Variants in TASOR2 observed in about 807,000 individuals in gnomAD.
TASOR2 encodes the protein transcription activation suppressor family member 2.
A neutral mutation model predicts 199.5 loss-of-function variants in TASOR2; 84 were observed. The observed-to-expected ratio is 0.42, with a 90% CI of 0.35 to 0.50. The LOEUF (loss-of-function observed/expected upper bound fraction) is 0.50, where lower values mean the gene tolerates loss of function less well. Among genes scored for constraint, TASOR2 ranks in the 20% least tolerant of loss-of-function variants. TASOR2 has a pLI of 0.02. For synonymous variants in TASOR2, 1,103 were observed against 1,046.6 expected, an observed-to-expected ratio of 1.05 and a Z score of -1.04; for missense variants, 2,796 against 2,835.9, an observed-to-expected ratio of 0.99 and a Z score of 0.32.
chr10:5,703,652 C>T (rs1353679974), intron 1 of TASOR2, among the ~76,000 whole-genome samples: 6 of 151,582 alleles, frequency 4.0e-5, no homozygotes, highest in East Asian at 2.0e-4. Context: ...TACAGGCGCC[C>T]GCCACCACGC....
At chr10:5,759,043 G>A (rs1308704224) in intron 18 of TASOR2, 51 bp downstream of exon 19, 4 of 1,323,890 alleles carry the variant, frequency 3.0e-6, no homozygotes, top group Admixed American at 1.8e-5. Flanking sequence ...GGGTAGCAGA[G>A]AAACGCCTCA....
At chr10:5,694,319 A>T (rs148165892) in intron 1 of TASOR2, among the ~76,000 whole-genome samples, 4 of 152,218 alleles carry the variant, frequency 2.6e-5, no homozygotes, top group African/African-American at 9.6e-5. Flanking sequence ...AGGGGCTTTA[A>T]TTAGAAATAA....
chr10:5,700,391 T>C (rs1192764119), intron 1 of TASOR2, among the ~76,000 whole-genome samples: 1 of 152,136 alleles, frequency 6.6e-6, no homozygotes, highest in Non-Finnish European at 1.5e-5. Flanking sequence ...TTGCAGTAAA[T>C]ACGGGAGTGC....
chr10:5,739,966 C>T (rs755887693), exon 13 of TASOR2: 2 of 1,614,000 alleles, frequency 1.2e-6, no homozygotes, highest in Admixed American at 1.7e-5. Context: ...CTACCTAACC[C>T]ATCTTCTGAT....
chr10:5,750,311 A>G lies in TASOR2; in HGVS notation c.6606+284A>G, dbSNP rs1221990098. ...CCATACTTCAAGTGTAAATACAAAC[A>G]CATTCCGATGTTAAAATACAGATTT... On this transcript the variant is annotated intron_variant, in intron 15 of 20. Coordinates refer to ENST00000328090, the Ensembl canonical transcript of TASOR2. The surrounding 1 kb of genome is among the most constrained non-coding windows in gnomAD (Gnocchi z 5.4). Among the ~76,000 whole-genome samples, 2 of 152,256 alleles carry G rather than the reference A, an allele frequency of 1.3e-5. No individual in the cohort carries two copies. The highest frequency in any genetic ancestry group is 2.9e-5 in the Non-Finnish European group (2 of 68,046).
chr10:5,716,329 A>G (rs1832625184), intron 2 of TASOR2, among the ~76,000 whole-genome samples: 1 of 152,188 alleles, frequency 6.6e-6, no homozygotes, highest in Admixed American at 6.5e-5. Context: ...GGTCCTATGA[A>G]CATACATGTA....
At position 5,742,625 on chromosome 10, in the gene TASOR2, A is replaced by C. The variant is rs181530835; in HGVS notation, c.2757+99A>C. ...TCAAAACAAGGCATTTTTAAATTTT[A>C]GGACAGTGAATTCTCAAGGTATGTA... is the stretch of plus-strand genomic sequence containing the variant. On this transcript the variant is annotated intron_variant, in intron 14 of 20. Coordinates refer to ENST00000328090, the Ensembl canonical transcript of TASOR2. The surrounding 1 kb of genome is among the most constrained non-coding windows in gnomAD (Gnocchi z 4.2). 9 of 1,143,142 alleles carry C rather than the reference A, an allele frequency of 7.9e-6. No homozygotes were observed. In the East Asian group the frequency reaches 2.0e-4, roughly 25 times the overall value. The allele number at this position is 1,143,142 out of a possible 1,614,324, so 70.8% of individuals were successfully genotyped here.
intron 15 of TASOR2, among the ~76,000 whole-genome samples, chr10:5,755,991 CA>C (rs111920742): frequency 1.5e-4 from 21 of 142,764 alleles, no homozygotes; most frequent in African/African-American, 3.9e-4. Context: ...GACCATGTCT[CA>C]AAAAAAAAAG....
At chr10:5,713,638 C>T (rs1309898526) in intron 2 of TASOR2, 2 of 152,158 alleles carry the variant, frequency 1.3e-5, no homozygotes, top group Non-Finnish European at 2.9e-5. Flanking sequence ...CGTCTGAATT[C>T]AAATAACACG....
rs1837465276 is a variant in TASOR2 at position 5,748,015 on chromosome 10, GC to G, written c.4596del (p.Lys1533AsnfsTer14). On this transcript the variant is annotated frameshift_variant, in exon 15 of 21. Coordinates refer to ENST00000328090, the Ensembl canonical transcript of TASOR2. LOFTEE classifies it high-confidence loss of function. The surrounding 1 kb of genome is among the most constrained non-coding windows in gnomAD (Gnocchi z 5.1). Reference sequence around the variant, plus strand: ...GGAGTTAAACCAGCCTGCCTCAGCTGCCAAATGCACAGGTGACTTCAGTCCT... The same window carrying G: ...GGAGTTAAACCAGCCTGCCTCAGCTGCAAATGCACAGGTGACTTCAGTCCT... 1 of 1,598,132 alleles carries G rather than the reference GC, an allele frequency of 6.3e-7. No individual in the cohort carries two copies. Among genetic ancestry groups the G allele is most frequent in the Non-Finnish European group, 8.5e-7 (1 of 1,178,108 alleles).
chr10:5,731,296 A>C, intron 11 of TASOR2, 93 bp downstream of exon 12: 1 of 1,184,698 alleles, frequency 8.4e-7, no homozygotes, highest in Non-Finnish European at 1.2e-6. Flanking sequence ...TTGGGAAACC[A>C]AGTGGGTGGA....
chr10:5,694,796 T>C (rs1008179644), intron 1 of TASOR2, among the ~76,000 whole-genome samples: 3 of 152,216 alleles, frequency 2.0e-5, no homozygotes, highest in African/African-American at 7.2e-5. Context: ...CAGTCTGACA[T>C]GTGGCTCTCC....
In TASOR2 at chr10:5,750,084, A is replaced by G. The variant is rs1837813600; in HGVS notation, c.6606+57A>G. ...TTAATTGCTGATTTTAGTTTTAGAA[A>G]TAATAAATTTAGCATATTAGCCATC... On this transcript the variant is annotated intron_variant, in intron 15 of 20. Transcript: ENST00000328090. The surrounding 1 kb of genome is among the most constrained non-coding windows in gnomAD (Gnocchi z 5.4). The G allele has an allele frequency of 1.3e-6, 2 of 1,503,446 alleles. No individual in the cohort carries two copies. The highest frequency in any genetic ancestry group is 2.8e-5 in the African/African-American group (2 of 71,286). 93.1% of individuals were successfully genotyped at this position (1,503,446 alleles called of 1,614,324 possible).
exon 21 of TASOR2, chr10:5,763,167 G>T: frequency 2.3e-6 from 2 of 857,524 alleles, no homozygotes; most frequent in South Asian, 2.0e-5. Flanking sequence ...AACTTGGAAA[G>T]TTTTCATTTT....
In TASOR2 at chr10:5,720,954, A is replaced by G. The variant is rs1833282834; in HGVS notation, c.130A>G (p.Met44Val). ...AGCTCTTTGGTCCACTTACGGTGCA[A>G]TGATTCCAACACAGCTGTAAGTATT... The change falls in exon 6 of 21, where the codon ATG becomes GTG. Residue 44 changes from methionine (M) to valine (V), a missense_variant. By Grantham distance (21) the Met-to-Val change is conservative. Transcript: ENST00000328090. The surrounding 1 kb of genome is among the most constrained non-coding windows in gnomAD (Gnocchi z 5.3). The G allele has an allele frequency of 1.9e-6, 3 of 1,611,866 alleles. No homozygotes were observed. The highest frequency in any genetic ancestry group is 2.2e-5 in the South Asian group (2 of 90,678).
chr10:5,708,675 T>C (rs1223198348), intron 1 of TASOR2, among the ~76,000 whole-genome samples: 1 of 135,016 alleles, frequency 7.4e-6, no homozygotes, highest in Non-Finnish European at 1.6e-5. Flanking sequence ...CTTTCTTCCT[T>C]CCTTCCTTTC....
At chr10:5,746,565 C>T (rs766416388) in exon 15 of TASOR2, 2 of 1,614,046 alleles carry the variant, frequency 1.2e-6, no homozygotes, top group Non-Finnish European at 1.7e-6. Context: ...CAGTGATTAA[C>T]CCGGAACCAA....
rs1329607072 is a variant in TASOR2 at position 5,719,847 on chromosome 10, G to A, written c.-99-697G>A. The stretch of plus-strand genomic sequence containing the variant: ...TTACAACTGATCATAGTTCAGATTG[G>A]AAACTCATCTTTTGAAATTTTAGAT... On this transcript the variant is annotated intron_variant, in intron 3 of 20. Coordinates refer to ENST00000328090, the Ensembl canonical transcript of TASOR2. The surrounding 1 kb of genome is among the most constrained non-coding windows in gnomAD (Gnocchi z 4.1). 2.0e-5 allele frequency among the ~76,000 whole-genome samples: 3 copies of A among 152,098 alleles called. No homozygotes were observed. Among genetic ancestry groups the A allele is most frequent in the Non-Finnish European group, 4.4e-5 (3 of 68,026 alleles).
intron 2 of TASOR2, chr10:5,714,511 G>C (rs929288236): frequency 4.4e-6 from 1 of 225,702 alleles, no homozygotes; most frequent in Non-Finnish European, 8.5e-6. Context: ...AGGGGTAAGA[G>C]AGGAAATAAT....
Sources: allele counts gnomAD v4.1 joint callset (sites outside exome capture counted in the v4.1 genomes callset), GRCh38; gene constraint gnomAD v4.1.1; non-coding constraint Gnocchi (gnomAD v3.1); transcripts MANE v1.5; gene names NCBI Gene and HGNC (gene_info 2026-07-23, HGNC 2026-07-21).